The following PTPRT variants were observed in gnomAD, a reference collection of about 807,000 sequenced individuals.
PTPRT encodes protein tyrosine phosphatase receptor type T, also known as receptor-type tyrosine-protein phosphatase T.
PTPRT carries 56 observed loss-of-function variants against 176.8 expected under a neutral mutation model. The observed-to-expected ratio is 0.32, with a 90% confidence interval of 0.26 to 0.40. The LOEUF (loss-of-function observed/expected upper bound fraction) is 0.40. PTPRT is among the 10% of genes least tolerant of loss of function. The probability of loss-of-function intolerance (pLI) is 1.00; values close to 1 mark genes in which losing one functional copy is unlikely to be tolerated. For synonymous variants in PTPRT, 783 were observed against 739.0 expected (o/e 1.06, Z -0.96); for missense variants, 1,540 against 1,908.2 (o/e 0.81, Z 3.60).
At position 42,077,960 on chromosome 20, in the gene PTPRT, C is replaced by T. The variant is rs1982942247; in HGVS notation, c.*2919G>A. The T allele has an allele frequency of 5.1e-6, 1 of 197,272 alleles. No homozygotes were observed. The highest frequency in any genetic ancestry group is 2.3e-5 in the African/African-American group (1 of 43,340). The allele number at this position is 197,272 out of a possible 1,614,324, so 12.2% of individuals were successfully genotyped here. A position where few individuals can be genotyped will look rare whatever the true frequency, so the allele number is the denominator to read the frequency against. ...AAATCTTAGGATTTGTGTTAAATAG[C>T]TCTCCCTCCACCCTCATCCTGTCTG... On this transcript the variant is annotated 3_prime_UTR_variant, in exon 31 of 31. Transcript: ENST00000373187.
chr20:42,153,653 G>C (rs1222363106), intron 17 of PTPRT, among the ~76,000 whole-genome samples: 2 of 152,166 alleles, frequency 1.3e-5, no homozygotes, highest in East Asian at 3.9e-4. Context: ...ATTCCTCCCA[G>C]CTGTGAGCCT....
At chr20:42,398,460 A>G (rs1316566674) in intron 9 of PTPRT, among the ~76,000 whole-genome samples, 1 of 152,234 alleles carries the variant, frequency 6.6e-6, no homozygotes, top group African/African-American at 2.4e-5. Flanking sequence ...TGTACATCTC[A>G]AAGATGGAGT....
chr20:42,068,800 A>G (rs980122492), downstream of PTPRT, among the ~76,000 whole-genome samples: 1 of 152,166 alleles, frequency 6.6e-6, no homozygotes, highest in South Asian at 2.1e-4. Flanking sequence ...CTTTGACTAC[A>G]TATTTGTAGG....
chr20:42,108,277 T>C (rs1326965325), intron 23 of PTPRT, among the ~76,000 whole-genome samples: 1 of 152,122 alleles, frequency 6.6e-6, no homozygotes, highest in African/African-American at 2.4e-5. Context: ...CACATAGTAA[T>C]TGAACACAGG....
intron 1 of PTPRT, among the ~76,000 whole-genome samples, chr20:42,959,599 T>C (rs1600595944): frequency 1.3e-5 from 2 of 151,948 alleles, no homozygotes; most frequent in African/African-American, 2.4e-5. Context: ...CCAAATCCCC[T>C]CAAAATCCAG....
chr20:42,041,409 T>C, the PTPRT span, among the ~76,000 whole-genome samples: 1 of 152,190 alleles, frequency 6.6e-6, no homozygotes, highest in Non-Finnish European at 1.5e-5. Context: ...GCAGGGAATA[T>C]ATTTAAGTTG....
At chr20:42,211,697 T>A (rs1201627353) in intron 15 of PTPRT, among the ~76,000 whole-genome samples, 2 of 144,174 alleles carry the variant, frequency 1.4e-5, no homozygotes, top group African/African-American at 5.1e-5. Context: ...ACACTGTTGG[T>A]GGGACTGTAA....
intron 12 of PTPRT, among the ~76,000 whole-genome samples, chr20:42,299,351 A>G (rs1266778484): frequency 6.6e-6 from 1 of 152,230 alleles, no homozygotes; most frequent in East Asian, 1.9e-4. Context: ...TATTCTAGTG[A>G]AAGAAAAAAA....
chr20:43,163,640 AAAC>A (rs2014772397), intron 1 of PTPRT, among the ~76,000 whole-genome samples: 1 of 143,838 alleles, frequency 7.0e-6, no homozygotes, highest in African/African-American at 2.5e-5. Context: ...TCCTTCTCAA[AAAC>A]AAAACAAAAC....
chr20:42,919,466 A>G (rs1370041395), intron 1 of PTPRT, among the ~76,000 whole-genome samples: 1 of 152,222 alleles, frequency 6.6e-6, no homozygotes, highest in Non-Finnish European at 1.5e-5. Flanking sequence ...GCTGCCCCAG[A>G]GATGCCAGCT....
At chr20:42,706,962 CAG>C (rs567262773) in intron 6 of PTPRT, among the ~76,000 whole-genome samples, 48 of 152,224 alleles carry the variant, frequency 3.2e-4, no homozygotes, top group African/African-American at 1.1e-3. Context: ...GACAGGGAAA[CAG>C]GGAGAATGCA....
Position 43,156,047 on chromosome 20 carries a change from C to T in PTPRT, c.88+33599G>A, listed in dbSNP as rs114313113. 6.1e-3 allele frequency among the ~76,000 whole-genome samples: 927 copies of T among 152,296 alleles called. 9 individuals are homozygous for T. Among genetic ancestry groups the T allele is most frequent in the African/African-American group, 0.021 (878 of 41,554 alleles). ...TCTGGGCATTTTTACACACTATTCACGACACCTCCAAGCAACATTGAACTT... is the reference window on the plus strand; with the variant it reads ...TCTGGGCATTTTTACACACTATTCATGACACCTCCAAGCAACATTGAACTT... On this transcript the variant is annotated intron_variant, in intron 1 of 30. Transcript: ENST00000373187.
intron 9 of PTPRT, among the ~76,000 whole-genome samples, chr20:42,393,207 C>T (rs1323681662): frequency 1.3e-5 from 2 of 152,148 alleles, no homozygotes; most frequent in South Asian, 2.1e-4. Context: ...GTGAGATATC[C>T]TCCTACTTCT....
In PTPRT at chr20:42,472,118, T is replaced by C. The variant is rs558963229; in HGVS notation, c.1450+148A>G. The C allele has an allele frequency of 8.0e-5, 71 of 884,452 alleles. No individual in the cohort carries two copies. The East Asian group carries it at 1.2e-3, about 15-fold the overall frequency. The allele number at this position is 884,452 out of a possible 1,614,324, so 54.8% of individuals were successfully genotyped here. A position where few individuals can be genotyped will look rare whatever the true frequency, so the allele number is the denominator to read the frequency against. On this transcript the variant is annotated intron_variant, in intron 8 of 30. Coordinates refer to ENST00000373187, the MANE Select transcript of PTPRT (RefSeq NM_007050.6). Reference sequence around the variant, plus strand: ...GGAGTTGTGCAATGCACAGTTTACATAGTCCTTCATTGAAGGCCTAAGAAA... The same window carrying C: ...GGAGTTGTGCAATGCACAGTTTACACAGTCCTTCATTGAAGGCCTAAGAAA...
chr20:42,968,533 G>A (rs900890849), intron 1 of PTPRT, among the ~76,000 whole-genome samples: 3 of 152,154 alleles, frequency 2.0e-5, no homozygotes, highest in African/African-American at 4.8e-5. Context: ...CAGGACATAA[G>A]AGGAACGGCT....
At chr20:43,038,684 T>C (rs1445008171) in intron 1 of PTPRT, among the ~76,000 whole-genome samples, 1 of 152,140 alleles carries the variant, frequency 6.6e-6, no homozygotes, top group Non-Finnish European at 1.5e-5. Context: ...ATGACATTAT[T>C]GTCTACCTTC....
At chr20:42,381,852 T>C (rs2058701033) in intron 9 of PTPRT, among the ~76,000 whole-genome samples, 1 of 152,208 alleles carries the variant, frequency 6.6e-6, no homozygotes, top group African/African-American at 2.4e-5. Flanking sequence ...CTGATACGAT[T>C]CAGACACAAA....
At chr20:42,571,334 T>C (rs1472034161) in intron 7 of PTPRT, among the ~76,000 whole-genome samples, 1 of 152,166 alleles carries the variant, frequency 6.6e-6, no homozygotes, top group Non-Finnish European at 1.5e-5. Context: ...AGATGCTGCA[T>C]TGCTCGAGGA....
chr20:42,120,118 TA>T, intron 19 of PTPRT, 147 bp from the exon 20 acceptor site: 1 of 636,910 alleles, frequency 1.6e-6, no homozygotes, highest in Non-Finnish European at 2.6e-6. Flanking sequence ...TGGCAAAGGT[TA>T]AATGAGATAT....
Sources: allele counts gnomAD v4.1 joint callset (sites outside exome capture counted in the v4.1 genomes callset), GRCh38; gene constraint gnomAD v4.1.1; transcripts MANE v1.5; gene names NCBI Gene and HGNC (gene_info 2026-07-23, HGNC 2026-07-21).